ZRANB3: variants seen among roughly 807,000 people sequenced by gnomAD.
The protein encoded by ZRANB3 is DNA annealing helicase and endonuclease ZRANB3.
Under a neutral mutation model 133.8 loss-of-function variants are expected in ZRANB3, and 125 were observed. The observed-to-expected ratio is 0.93, with a 90% CI of 0.81 to 1.08. The LOEUF (loss-of-function observed/expected upper bound fraction) is 1.08. Ranked by LOEUF, ZRANB3 falls within the 50% of genes least tolerant of loss-of-function variation. The pLI, the probability that ZRANB3 is intolerant of heterozygous loss-of-function variation, is 0.00. For synonymous variants in ZRANB3, 387 were observed against 432.7 expected (o/e 0.89, Z 1.31); for missense variants, 1,229 against 1,275.5 (o/e 0.96, Z 0.56).
chr2:135,360,502 G>C (rs553750708), intron 3 of ZRANB3, among the ~76,000 whole-genome samples: 2 of 151,928 alleles, frequency 1.3e-5, no homozygotes, highest in Non-Finnish European at 2.9e-5. Context: ...TCAGGAGATC[G>C]AGACCATCCT....
chr2:135,268,441 A>C (rs1412835373), intron 11 of ZRANB3, among the ~76,000 whole-genome samples: 3 of 152,204 alleles, frequency 2.0e-5, no homozygotes, highest in African/African-American at 7.2e-5. Flanking sequence ...TGCTGGGATT[A>C]GAGGCATGAG....
In ZRANB3 at chr2:135,520,505, T is replaced by C. The variant is rs1693890309; in HGVS notation, c.-8+10622A>G. ...TTAGCTCACTGCAACCTCAAACTCC[T>C]GGGCTCACACAATCCTCCTGCCTCA... is the stretch of plus-strand genomic sequence containing the variant. On this transcript the variant is annotated intron_variant, in intron 1 of 20. Transcript: ENST00000264159. Among the ~76,000 whole-genome samples, 3 of 151,774 alleles carry C rather than the reference T, an allele frequency of 2.0e-5. 1 individual carries two copies. The South Asian group carries it at 6.2e-4, about 32-fold the overall frequency.
At chr2:135,414,053 C>T (rs1688438746) in intron 2 of ZRANB3, among the ~76,000 whole-genome samples, 3 of 151,596 alleles carry the variant, frequency 2.0e-5, no homozygotes, top group Admixed American at 2.0e-4. Context: ...AACTAATGAG[C>T]AAAATAACCA....
intron 13 of ZRANB3, among the ~76,000 whole-genome samples, chr2:135,228,674 G>A (rs1198104281): frequency 2.0e-5 from 3 of 152,104 alleles, no homozygotes; most frequent in Admixed American, 1.3e-4. Flanking sequence ...TGTGGGAGGC[G>A]AGAAAGAGAC....
intron 2 of ZRANB3, among the ~76,000 whole-genome samples, chr2:135,400,788 C>A (rs894253611): frequency 7.9e-5 from 12 of 152,164 alleles, no homozygotes; most frequent in African/African-American, 2.9e-4. Flanking sequence ...ACCGGAAAAG[C>A]AGCCAATGAC....
intron 12 of ZRANB3, among the ~76,000 whole-genome samples, chr2:135,263,731 G>A (rs1476129431): frequency 6.6e-6 from 1 of 151,764 alleles, no homozygotes; most frequent in Non-Finnish European, 1.5e-5. Flanking sequence ...AAAGGTAAAG[G>A]ATTATAACAC....
At chr2:135,215,342 G>A (rs986394343) in intron 17 of ZRANB3, among the ~76,000 whole-genome samples, 1 of 151,380 alleles carries the variant, frequency 6.6e-6, no homozygotes. Flanking sequence ...CTGCAGCCTC[G>A]ACCTCCAGGG....
chr2:135,433,207 T>C (rs1209586085), intron 2 of ZRANB3, among the ~76,000 whole-genome samples: 1 of 151,952 alleles, frequency 6.6e-6, no homozygotes, highest in African/African-American at 2.4e-5. Flanking sequence ...GGCAACATAG[T>C]GAAACTCCGT....
At position 135,353,484 on chromosome 2, in the gene ZRANB3, C is replaced by G; in HGVS notation, c.325G>C (p.Glu109Gln). 2 of 1,605,092 alleles carry G rather than the reference C, an allele frequency of 1.2e-6. No individual in the cohort carries two copies. Among genetic ancestry groups the G allele is most frequent in the Non-Finnish European group, 1.7e-6 (2 of 1,176,304 alleles). Reference sequence around the variant, plus strand: ...GTTTTATTCTGAATAACATTGATTTCTTCTGGACTTAGCTCTGGGATCCAT... The same window carrying G: ...GTTTTATTCTGAATAACATTGATTTGTTCTGGACTTAGCTCTGGGATCCAT... ...EKWIPELSPE[E>Q]INVIQNKTDV... The change falls in exon 4 of 21, where the codon GAA (glutamate) becomes CAA (glutamine). Residue 109 changes from glutamate to glutamine, a missense_variant. By Grantham distance (29) the Glu-to-Gln change is conservative. Transcript: ENST00000264159.
In ZRANB3 at chr2:135,523,509, A is replaced by G. The variant is rs1054417746; in HGVS notation, c.-8+7618T>C. Among the ~76,000 whole-genome samples, 14 of 152,372 alleles carry G rather than the reference A, an allele frequency of 9.2e-5. No homozygotes were observed. The East Asian group carries it at 2.7e-3, about 29-fold the overall frequency. On this transcript the variant is annotated intron_variant, in intron 1 of 20. Coordinates refer to ENST00000264159, the MANE Select transcript of ZRANB3 (RefSeq NM_032143.4). ...TCTTATGGTTTTATTTCAGGACTCT[A>G]GCATCTAGCATCAGCCTGATTAACG...
chr2:135,452,286 C>T (rs981697489), intron 2 of ZRANB3, among the ~76,000 whole-genome samples: 1 of 152,106 alleles, frequency 6.6e-6, no homozygotes, highest in Non-Finnish European at 1.5e-5. Context: ...GTCCCTCCCA[C>T]AACACATGGA....
chr2:135,258,012 G>A (rs1679746973), intron 12 of ZRANB3, among the ~76,000 whole-genome samples: 1 of 152,158 alleles, frequency 6.6e-6, no homozygotes, highest in Non-Finnish European at 1.5e-5. Context: ...TCATGAGCCT[G>A]GAGTGGTAGC....
chr2:135,455,986 T>G (rs1690502053), intron 2 of ZRANB3, among the ~76,000 whole-genome samples: 1 of 152,256 alleles, frequency 6.6e-6, no homozygotes, highest in African/African-American at 2.4e-5. Context: ...AAGGATTAAA[T>G]TATTCCAAAA....
At chr2:135,489,711 G>C (rs550565685) in intron 2 of ZRANB3, among the ~76,000 whole-genome samples, 1 of 151,150 alleles carries the variant, frequency 6.6e-6, no homozygotes, top group East Asian at 1.9e-4. Context: ...TACTAAAATA[G>C]GAAAGTACAC....
At chr2:135,249,768 G>A (rs11904474) in intron 12 of ZRANB3, among the ~76,000 whole-genome samples, 15,979 of 152,126 alleles carry the variant, frequency 0.11, 1,101 homozygotes, top group South Asian at 0.32. Context: ...AGTGTCTTTC[G>A]CTGCCTGCTG....
chr2:135,406,417 T>G (rs1688035229), intron 2 of ZRANB3, among the ~76,000 whole-genome samples: 1 of 152,186 alleles, frequency 6.6e-6, no homozygotes, highest in Non-Finnish European at 1.5e-5. Context: ...GTACCATTCC[T>G]TCTGAAACTA....
At chr2:135,244,941 T>A (rs1695722055) in intron 12 of ZRANB3, among the ~76,000 whole-genome samples, 1 of 152,182 alleles carries the variant, frequency 6.6e-6, no homozygotes, top group African/African-American at 2.4e-5. Flanking sequence ...ATAGGTGATG[T>A]TCTAAAACAG....
At chr2:135,318,256 G>GTA (rs1683354500) in intron 6 of ZRANB3, among the ~76,000 whole-genome samples, 1 of 145,252 alleles carries the variant, frequency 6.9e-6, no homozygotes, top group Non-Finnish European at 1.5e-5. Context: ...GTGTGTGTGT[G>GTA]TGTATTGGGG....
rs573158700 is a variant in ZRANB3 at position 135,271,827 on chromosome 2, G to A, written c.1147C>T (p.Gln383Ter). 11 of 1,613,774 alleles carry A rather than the reference G, an allele frequency of 6.8e-6. No homozygotes were observed. In the South Asian group the frequency reaches 1.1e-4, roughly 16 times the overall value. ...SSSERIHLVN[Q>*]FQKDPDTRVA... The stretch of plus-strand genomic sequence containing the variant: ...CGAGTGTCAGGATCCTTTTGAAACT[G>A]ATTAACCAGATGTATTCTTTCTGAA... Residue 383 changes from glutamine to a stop codon, truncating the protein, a stop_gained, in exon 10 of 21, where the codon CAG becomes TAG. Transcript: ENST00000264159. LOFTEE classifies it high-confidence loss of function.
Sources: allele counts gnomAD v4.1 joint callset (sites outside exome capture counted in the v4.1 genomes callset), GRCh38; gene constraint gnomAD v4.1.1; transcripts MANE v1.5; gene names NCBI Gene and HGNC (gene_info 2026-07-23, HGNC 2026-07-21).